The following UNC5C variants were observed in gnomAD, a reference collection of about 807,000 sequenced individuals.
UNC5C encodes unc-5 netrin receptor C.
UNC5C carries 47 observed loss-of-function variants against 99.8 expected under a neutral mutation model. The ratio of observed to expected loss-of-function variants is 0.47; its 90% CI spans 0.37 to 0.60. The LOEUF (loss-of-function observed/expected upper bound fraction) is 0.60. UNC5C is among the 20% of genes least tolerant of loss of function. The probability of loss-of-function intolerance (pLI) is 0.00; values close to 1 mark genes in which losing one functional copy is unlikely to be tolerated. For missense variants in UNC5C, 1,062 were observed against 1,165.9 expected (o/e 0.91, Z 1.30); for synonymous variants, 487 against 452.2 (o/e 1.08, Z -0.98).
At chr4:95,294,814 A>G (rs1741614103) in intron 3 of UNC5C, among the ~76,000 whole-genome samples, 1 of 152,330 alleles carries the variant, frequency 6.6e-6, no homozygotes, top group South Asian at 2.1e-4. Flanking sequence ...ACCTATTATC[A>G]TTCGCTGAGC....
intron 14 of UNC5C, among the ~76,000 whole-genome samples, chr4:95,178,645 T>G (rs1206410619): frequency 6.6e-6 from 1 of 152,144 alleles, no homozygotes; most frequent in Non-Finnish European, 1.5e-5. Flanking sequence ...TAGACTAGGG[T>G]GTTGAGCTGC....
chr4:95,297,369 G>A (rs772783000), intron 3 of UNC5C, among the ~76,000 whole-genome samples: 1 of 152,218 alleles, frequency 6.6e-6, no homozygotes, highest in Non-Finnish European at 1.5e-5. Flanking sequence ...GACATTCTCA[G>A]AGAGGAAAGA....
chr4:95,513,650 CATAG>C (rs1219484437), intron 1 of UNC5C, among the ~76,000 whole-genome samples: 5 of 152,150 alleles, frequency 3.3e-5, no homozygotes, highest in Admixed American at 6.6e-5. Context: ...TATAGACATA[CATAG>C]ATAGATCACA....
At chr4:95,413,338 G>A (rs892338970) in intron 1 of UNC5C, among the ~76,000 whole-genome samples, 3 of 152,126 alleles carry the variant, frequency 2.0e-5, no homozygotes, top group South Asian at 2.1e-4. Context: ...CAAGAGTGCT[G>A]ACCTATATTT....
intron 1 of UNC5C, among the ~76,000 whole-genome samples, chr4:95,436,063 A>G (rs954307562): frequency 1.3e-5 from 2 of 151,986 alleles, no homozygotes; most frequent in Non-Finnish European, 2.9e-5. Context: ...ACAATTTAAA[A>G]GTGTCCTATA....
chr4:95,464,797 C>T (rs1414469339), intron 1 of UNC5C, among the ~76,000 whole-genome samples: 3 of 152,144 alleles, frequency 2.0e-5, no homozygotes, highest in Non-Finnish European at 4.4e-5. Context: ...GTATTCCCAC[C>T]TATACCTCAT....
chr4:95,184,838 G>C (rs1736766125), intron 13 of UNC5C, among the ~76,000 whole-genome samples: 1 of 152,092 alleles, frequency 6.6e-6, no homozygotes, highest in African/African-American at 2.4e-5. Context: ...AACAATGATA[G>C]TACATTTATT....
intron 1 of UNC5C, among the ~76,000 whole-genome samples, chr4:95,376,014 C>T (rs1467213322): frequency 1.3e-5 from 2 of 152,070 alleles, no homozygotes; most frequent in Non-Finnish European, 2.9e-5. Context: ...GATCATGCCA[C>T]TGCACTCCAG....
intron 1 of UNC5C, among the ~76,000 whole-genome samples, chr4:95,341,465 A>G (rs1376908133): frequency 1.3e-5 from 2 of 150,082 alleles, no homozygotes; most frequent in Non-Finnish European, 2.9e-5. Flanking sequence ...GAAAGAGAGA[A>G]AGAAAGAAGA....
chr4:95,199,037 A>C (rs976115184), intron 12 of UNC5C, among the ~76,000 whole-genome samples: 3 of 152,074 alleles, frequency 2.0e-5, no homozygotes, highest in Non-Finnish European at 4.4e-5. Context: ...TTTTTATAAA[A>C]GCTTCCACCT....
chr4:95,477,507 G>A (rs1270462217), intron 1 of UNC5C, among the ~76,000 whole-genome samples: 2 of 151,990 alleles, frequency 1.3e-5, no homozygotes, highest in Non-Finnish European at 2.9e-5. Flanking sequence ...AAGGGGAGGG[G>A]CACCATTGCC....
At chr4:95,496,161 A>G (rs1269169560) in intron 1 of UNC5C, among the ~76,000 whole-genome samples, 1 of 151,814 alleles carries the variant, frequency 6.6e-6, no homozygotes, top group Non-Finnish European at 1.5e-5. Context: ...TAGCAACAAG[A>G]AGAGTGGCAT....
At chr4:95,376,706 T>A (rs1372840928) in intron 1 of UNC5C, among the ~76,000 whole-genome samples, 1 of 152,202 alleles carries the variant, frequency 6.6e-6, no homozygotes, top group Non-Finnish European at 1.5e-5. Flanking sequence ...AGGCTGCAAT[T>A]GTATCAAATT....
At chr4:95,414,042 T>C (rs1020919505) in intron 1 of UNC5C, among the ~76,000 whole-genome samples, 1 of 152,242 alleles carries the variant, frequency 6.6e-6, no homozygotes, top group Non-Finnish European at 1.5e-5. Context: ...TACCAATTTC[T>C]CTTTGATCAG....
chr4:95,211,349 A>T (rs1738068838), intron 10 of UNC5C, among the ~76,000 whole-genome samples: 1 of 152,216 alleles, frequency 6.6e-6, no homozygotes, highest in African/African-American at 2.4e-5. Flanking sequence ...ATATTTATGA[A>T]AGCCACTCCG....
chr4:95,292,463 A>G (rs570194234), intron 3 of UNC5C, among the ~76,000 whole-genome samples: 2 of 152,030 alleles, frequency 1.3e-5, no homozygotes, highest in African/African-American at 4.8e-5. Flanking sequence ...TTCCTTTATG[A>G]TATTTCTTGA....
chr4:95,388,683 A>G (rs567239480), intron 1 of UNC5C, among the ~76,000 whole-genome samples: 1 of 152,312 alleles, frequency 6.6e-6, no homozygotes, highest in African/African-American at 2.4e-5. Flanking sequence ...TGACAGGTAC[A>G]AAGTCAAGGA....
intron 12 of UNC5C, among the ~76,000 whole-genome samples, chr4:95,199,188 T>G (rs7665025): frequency 0.051 from 7,803 of 152,058 alleles, 669 homozygotes; most frequent in African/African-American, 0.18. Flanking sequence ...GTTAGAGAAG[T>G]AGCGAGATGG....
At chr4:95,290,499 AGTTT>A (rs1014034176) in intron 3 of UNC5C, among the ~76,000 whole-genome samples, 3 of 152,202 alleles carry the variant, frequency 2.0e-5, no homozygotes, top group African/African-American at 7.2e-5. Context: ...CAAAGAGAAA[AGTTT>A]GTTTAAAATT....
Sources: gnomAD v4.1 joint callset for allele counts (sites outside exome capture counted in the v4.1 genomes callset) on GRCh38, gnomAD v4.1.1 for gene constraint, MANE v1.5 for transcripts, NCBI Gene and HGNC (gene_info 2026-07-23, HGNC 2026-07-21) for gene names.